Variants in ESYT2 observed in about 807,000 individuals in gnomAD.
ESYT2 encodes extended synaptotagmin 2, also known as extended synaptotagmin-2.
In ESYT2, 54 loss-of-function variants were observed where a neutral mutation model predicts 107.2. That is an observed-to-expected ratio of 0.50 (90% confidence interval 0.40 to 0.63). The LOEUF (loss-of-function observed/expected upper bound fraction) is 0.63. ESYT2 is among the 30% of genes least tolerant of loss of function. The pLI is 0.00. For missense variants in ESYT2, 1,020 were observed against 1,094.5 expected (o/e 0.93, Z 0.96); for synonymous variants, 491 against 434.1 (o/e 1.13, Z -1.63).
At chr7:158,782,439 T>C (rs1838923318) in intron 6 of ESYT2, among the ~76,000 whole-genome samples, 1 of 150,852 alleles carries the variant, frequency 6.6e-6, no homozygotes, top group African/African-American at 2.4e-5. Context: ...GAGGTGTGAG[T>C]GTAAGAACGA....
At chr7:158,734,311 A>G in intron 22 of ESYT2, 59 bp from the exon 23 acceptor site, 1 of 1,613,334 alleles carries the variant, frequency 6.2e-7, no homozygotes, top group Non-Finnish European at 8.5e-7. Flanking sequence ...GGAAAAGCCT[A>G]TCAGATACGT....
intron 1 of ESYT2, among the ~76,000 whole-genome samples, chr7:158,809,497 A>AAAAAAAAAAAAAG (rs1554425655): frequency 7.1e-6 from 1 of 140,532 alleles, no homozygotes; most frequent in Non-Finnish European, 1.5e-5. Flanking sequence ...AAAAAAAAAA[A>AAAAAAAAAAAAAG]CCAGGGGGGA....
At chr7:158,824,133 G>A (rs1840369256) in intron 1 of ESYT2, among the ~76,000 whole-genome samples, 1 of 152,092 alleles carries the variant, frequency 6.6e-6, no homozygotes, top group Non-Finnish European at 1.5e-5. Flanking sequence ...ACTGAAGGAG[G>A]TTCTCAGACC....
At chr7:158,760,362 G>A (rs767210165) in intron 11 of ESYT2, among the ~76,000 whole-genome samples, 2 of 152,198 alleles carry the variant, frequency 1.3e-5, no homozygotes, top group South Asian at 2.1e-4. Context: ...AGGTGTGAGC[G>A]ACCATTCTAA....
chr7:158,796,855 A>T (rs1839474452), intron 3 of ESYT2, among the ~76,000 whole-genome samples: 2 of 151,314 alleles, frequency 1.3e-5, no homozygotes, highest in Admixed American at 6.6e-5. Context: ...CAGCCTCCCA[A>T]CAGACAGGAA....
chr7:158,814,519 C>T (rs1368853120), intron 1 of ESYT2, among the ~76,000 whole-genome samples: 2 of 152,004 alleles, frequency 1.3e-5, no homozygotes, highest in Non-Finnish European at 2.9e-5. Flanking sequence ...TTACTCGTCC[C>T]GATTACTCTC....
chr7:158,806,482 G>A (rs1839836862), intron 1 of ESYT2, among the ~76,000 whole-genome samples: 1 of 152,154 alleles, frequency 6.6e-6, no homozygotes, highest in Non-Finnish European at 1.5e-5. Context: ...AATATTAGGA[G>A]AATTTAAACC....
chr7:158,739,276 A>T (rs1327956999), intron 18 of ESYT2, among the ~76,000 whole-genome samples, 155 bp from the exon 19 acceptor site: 1 of 152,246 alleles, frequency 6.6e-6, no homozygotes, highest in Non-Finnish European at 1.5e-5. Context: ...ACTTCTGGGT[A>T]CAAGTCAAAC....
intron 1 of ESYT2, among the ~76,000 whole-genome samples, chr7:158,807,109 A>C (rs1256669114): frequency 6.6e-6 from 1 of 151,700 alleles, no homozygotes; most frequent in Non-Finnish European, 1.5e-5. Flanking sequence ...AAATTAGCCA[A>C]CCGTGGTGGT....
chr7:158,798,221 T>C (rs1469611929), intron 2 of ESYT2, 145 bp from the exon 3 acceptor site: 1 of 765,966 alleles, frequency 1.3e-6, no homozygotes, highest in South Asian at 2.0e-5. Context: ...AAAATCAACA[T>C]GATCTAAATT....
intron 21 of ESYT2, 36 bp from the exon 22 acceptor site, chr7:158,734,507 G>C (rs1389916124): frequency 6.3e-7 from 1 of 1,594,018 alleles, no homozygotes; most frequent in South Asian, 1.1e-5. Context: ...AAGTAGGCTG[G>C]GCTGGGGGCA....
chr7:158,829,438 G>A lies in ESYT2; in HGVS notation c.-20C>T. 8.4e-7 allele frequency: 1 copy of A among 1,184,494 alleles called. No individual in the cohort carries two copies. Among genetic ancestry groups the A allele is most frequent in the South Asian group, 4.0e-5 (1 of 25,098 alleles). The allele number at this position is 1,184,494 out of a possible 1,614,324, so 73.4% of individuals were successfully genotyped here. On this transcript the variant is annotated 5_prime_UTR_variant, in exon 1 of 23. Transcript: ENST00000275418. ...GCTCATCGCCCCGCAGTGCCGCGCTGCCCTCCCGGCCGAGGCGGGCTGGGT... is the reference window on the plus strand; with the variant it reads ...GCTCATCGCCCCGCAGTGCCGCGCTACCCTCCCGGCCGAGGCGGGCTGGGT...
At chr7:158,782,264 A>G (rs1486663350) in intron 6 of ESYT2, among the ~76,000 whole-genome samples, 4 of 146,046 alleles carry the variant, frequency 2.7e-5, no homozygotes, top group Non-Finnish European at 4.5e-5. Context: ...AACAAGTATG[A>G]GTGTGAGAAC....
chr7:158,813,110 T>A lies in ESYT2; in HGVS notation c.331-14038A>T, dbSNP rs568711583. On this transcript the variant is annotated intron_variant, in intron 1 of 22. Transcript: ENST00000275418. ...TGCAATAAAAATGAAACAAATGAGC[T>A]ATCAAGCAATGAAAAGACACAGAAG... is the stretch of plus-strand genomic sequence containing the variant. 5.3e-5 allele frequency among the ~76,000 whole-genome samples: 8 copies of A among 152,322 alleles called. No homozygotes were observed. The East Asian group carries it at 7.7e-4, about 15-fold the overall frequency.
At chr7:158,825,349 G>C (rs1840409803) in intron 1 of ESYT2, among the ~76,000 whole-genome samples, 1 of 152,122 alleles carries the variant, frequency 6.6e-6, no homozygotes, top group East Asian at 1.9e-4. Context: ...CTTCACCCAG[G>C]GTAGTCTAAT....
chr7:158,801,566 C>G (rs899550272), intron 1 of ESYT2, among the ~76,000 whole-genome samples: 1 of 152,018 alleles, frequency 6.6e-6, no homozygotes, highest in Non-Finnish European at 1.5e-5. Context: ...CTGGGACACA[C>G]AGGGATCACA....
At chr7:158,825,517 G>A (rs898682635) in intron 1 of ESYT2, among the ~76,000 whole-genome samples, 4 of 152,174 alleles carry the variant, frequency 2.6e-5, no homozygotes, top group Non-Finnish European at 5.9e-5. Context: ...TAAAGCTGTA[G>A]GACCAAACTT....
At chr7:158,761,211 C>A (rs907951708) in intron 11 of ESYT2, among the ~76,000 whole-genome samples, 1 of 152,146 alleles carries the variant, frequency 6.6e-6, no homozygotes, top group Admixed American at 6.5e-5. Context: ...TGCAGGGGAT[C>A]GCATATTTGT....
At chr7:158,782,732 A>C (rs1407768415) in intron 6 of ESYT2, among the ~76,000 whole-genome samples, 2 of 152,168 alleles carry the variant, frequency 1.3e-5, no homozygotes, top group Non-Finnish European at 2.9e-5. Context: ...GAGAATGAGT[A>C]TGGAAGCTCA....
Sources: allele counts gnomAD v4.1 joint callset (sites outside exome capture counted in the v4.1 genomes callset), GRCh38; gene constraint gnomAD v4.1.1; transcripts MANE v1.5; gene names NCBI Gene and HGNC (gene_info 2026-07-23, HGNC 2026-07-21).